The following MRC1 variants were observed in gnomAD, a reference collection of about 807,000 sequenced individuals.
The protein encoded by MRC1 is macrophage mannose receptor 1.
Under a neutral mutation model 102.9 loss-of-function variants are expected in MRC1, and 62 were observed. The ratio of observed to expected loss-of-function variants is 0.60; its 90% CI spans 0.49 to 0.74. The LOEUF is 0.74. MRC1 is among the 30% of genes least tolerant of loss of function. MRC1 has a pLI of 0.00. For synonymous variants in MRC1, 457 were observed against 298.4 expected (o/e 1.53, Z -5.48); for missense variants, 1,237 against 862.8 (o/e 1.43, Z -5.43).
chr10:17,883,339 G>A (rs1258995116), intron 21 of MRC1, among the ~76,000 whole-genome samples: 2 of 152,008 alleles, frequency 1.3e-5, no homozygotes, highest in African/African-American at 4.8e-5. Flanking sequence ...ATGTTGCCCA[G>A]GCTGGCTTAA....
In MRC1 at chr10:17,910,582, CT is replaced by C; in HGVS notation, c.*123del. The C allele has an allele frequency of 2.7e-6, 2 of 736,300 alleles. No homozygotes were observed. The highest frequency in any genetic ancestry group is 2.5e-6 in the Non-Finnish European group (1 of 399,606). 45.6% of individuals were successfully genotyped at this position (736,300 alleles called of 1,614,324 possible). A position where few individuals can be genotyped will look rare whatever the true frequency, so the allele number is the denominator to read the frequency against. On this transcript the variant is annotated 3_prime_UTR_variant, in exon 30 of 30. Transcript: ENST00000569591. ...GAGTACTGAATTGTACTGGTCTGTC[CT>C]TTTTTCCTTTGCCTAATTGAAGAAA...
At chr10:17,874,847 G>A (rs1833405565) in intron 16 of MRC1, among the ~76,000 whole-genome samples, 1 of 152,304 alleles carries the variant, frequency 6.6e-6, no homozygotes, top group Admixed American at 6.5e-5. Context: ...ACCCAGTAAT[G>A]ACATATGGAA....
At chr10:17,824,643 A>G (rs1240964617) in intron 2 of MRC1, among the ~76,000 whole-genome samples, 2 of 152,162 alleles carry the variant, frequency 1.3e-5, no homozygotes, top group Non-Finnish European at 2.9e-5. Flanking sequence ...AGTGAACACA[A>G]AAAAAACCTT....
chr10:17,833,634 C>A (rs782000942), intron 3 of MRC1, 41 bp from the exon 4 acceptor site: 8 of 780,514 alleles, frequency 1.0e-5, no homozygotes, highest in African/African-American at 5.1e-5. Flanking sequence ...GAAGTGTTTT[C>A]TATGCATAAT....
At chr10:17,846,782 C>T (rs1171457562) in intron 6 of MRC1, among the ~76,000 whole-genome samples, 2 of 152,196 alleles carry the variant, frequency 1.3e-5, no homozygotes, top group African/African-American at 4.8e-5. Context: ...TATGGCTGTC[C>T]AAAAGCTATT....
intron 23 of MRC1, among the ~76,000 whole-genome samples, chr10:17,895,035 T>G (rs1195719633): frequency 6.6e-6 from 1 of 152,102 alleles, no homozygotes; most frequent in Non-Finnish European, 1.5e-5. Context: ...TATTTTGTAC[T>G]TTTACAAAAT....
chr10:17,818,372 C>T (rs1285970493), intron 1 of MRC1, among the ~76,000 whole-genome samples: 6 of 152,172 alleles, frequency 3.9e-5, no homozygotes, highest in Admixed American at 2.6e-4. Flanking sequence ...TCAAGTACCT[C>T]GTCTCATGAA....
At chr10:17,857,782 G>C (rs1280805326) in intron 9 of MRC1, among the ~76,000 whole-genome samples, 1 of 152,176 alleles carries the variant, frequency 6.6e-6, no homozygotes, top group African/African-American at 2.4e-5. Flanking sequence ...TGGTGTTGAG[G>C]GGTCTTTCTA....
intron 1 of MRC1, among the ~76,000 whole-genome samples, chr10:17,820,255 A>G (rs1317120035): frequency 2.6e-5 from 4 of 152,130 alleles, no homozygotes; most frequent in South Asian, 4.1e-4. Flanking sequence ...TTGGGTAGAC[A>G]TGGTAGATTT....
At chr10:17,827,766 G>A in intron 3 of MRC1, 51 bp downstream of exon 3, 1 of 778,550 alleles carries the variant, frequency 1.3e-6, no homozygotes, top group Non-Finnish European at 2.4e-6. Context: ...GTCTGATAAT[G>A]TAGTGAAAGA....
intron 9 of MRC1, among the ~76,000 whole-genome samples, chr10:17,857,355 G>T (rs1468162557): frequency 6.6e-6 from 1 of 152,110 alleles, no homozygotes; most frequent in Non-Finnish European, 1.5e-5. Context: ...CATATTCTTT[G>T]CCTGATCATA....
intron 3 of MRC1, 35 bp downstream of exon 3, chr10:17,827,750 C>T: frequency 1.3e-6 from 1 of 780,270 alleles, no homozygotes; most frequent in African/African-American, 1.7e-5. Context: ...AAGTTGGGCA[C>T]ATTTAGTCTG....
At chr10:17,825,517 G>C (rs1838462207) in intron 2 of MRC1, among the ~76,000 whole-genome samples, 1 of 152,148 alleles carries the variant, frequency 6.6e-6, no homozygotes, top group African/African-American at 2.4e-5. Flanking sequence ...AAGGCAAGAG[G>C]ATCACTTGAT....
intron 1 of MRC1, among the ~76,000 whole-genome samples, chr10:17,822,758 C>T (rs1805732726): frequency 6.6e-6 from 1 of 152,188 alleles, no homozygotes; most frequent in Admixed American, 6.5e-5. Flanking sequence ...GTATGTTCCA[C>T]TCCTGGACAA....
chr10:17,847,176 C>A (rs1002619503), intron 6 of MRC1, among the ~76,000 whole-genome samples: 10 of 152,006 alleles, frequency 6.6e-5, no homozygotes, highest in Non-Finnish European at 1.3e-4. Context: ...TTTTGGAAGC[C>A]TTCATTACAA....
intron 6 of MRC1, among the ~76,000 whole-genome samples, chr10:17,849,341 G>A (rs1386783667): frequency 6.6e-6 from 1 of 151,068 alleles, no homozygotes; most frequent in Non-Finnish European, 1.5e-5. Context: ...AGTTGATAAG[G>A]TGATTTCCCA....
intron 1 of MRC1, among the ~76,000 whole-genome samples, chr10:17,815,810 A>C (rs1323598355): frequency 6.7e-6 from 1 of 149,464 alleles, no homozygotes; most frequent in Non-Finnish European, 1.5e-5. Context: ...TCTTTTGTTC[A>C]ACATTTCATT....
At chr10:17,874,013 C>T (rs1199756983) in intron 16 of MRC1, among the ~76,000 whole-genome samples, 188 bp downstream of exon 16, 1 of 152,182 alleles carries the variant, frequency 6.6e-6, no homozygotes, top group Non-Finnish European at 1.5e-5. Flanking sequence ...AAACATAAGG[C>T]ATGTTAATAC....
intron 4 of MRC1, among the ~76,000 whole-genome samples, chr10:17,836,160 T>G (rs1402434866): frequency 6.6e-6 from 1 of 152,220 alleles, no homozygotes; most frequent in Non-Finnish European, 1.5e-5. Flanking sequence ...CCTTGCCTCA[T>G]TTCTTAGCAC....
Sources: gnomAD v4.1 joint callset for allele counts (sites outside exome capture counted in the v4.1 genomes callset) on GRCh38, gnomAD v4.1.1 for gene constraint, MANE v1.5 for transcripts, NCBI Gene and HGNC (gene_info 2026-07-23, HGNC 2026-07-21) for gene names.